The following CRPPA variants were observed in gnomAD, a reference collection of about 807,000 sequenced individuals.
The protein encoded by CRPPA is CDP-L-ribitol pyrophosphorylase A.
In CRPPA, 43 loss-of-function variants were observed where a neutral mutation model predicts 52.0. The ratio of observed to expected loss-of-function variants is 0.83; its 90% CI spans 0.65 to 1.07. The LOEUF (loss-of-function observed/expected upper bound fraction) is 1.07, where lower values mean the gene tolerates loss of function less well. Ranked by LOEUF, CRPPA falls within the 50% of genes least tolerant of loss-of-function variation. The pLI, the probability that CRPPA is intolerant of heterozygous loss-of-function variation, is 0.00. For missense variants in CRPPA, 629 were observed against 551.7 expected, an observed-to-expected ratio of 1.14 and a Z score of -1.40; for synonymous variants, 250 against 203.5, an observed-to-expected ratio of 1.23 and a Z score of -1.94.
chr7:16,230,330 T>A lies in CRPPA; in HGVS notation c.1120-14133A>T, dbSNP rs925754828. ...TCATTCCTTTATTTCTTTCTTCTTC[T>A]ATTTATTTCAAAATAACCTGTCTTC... On this transcript the variant is annotated intron_variant, in intron 8 of 9. Coordinates refer to ENST00000407010, the MANE Select transcript of CRPPA (RefSeq NM_001101426.4). Among the ~76,000 whole-genome samples the A allele has an allele frequency of 9.2e-5, 14 of 152,306 alleles. 2 individuals are homozygous for A. The South Asian group carries it at 2.9e-3, about 32-fold the overall frequency.
intron 3 of CRPPA, among the ~76,000 whole-genome samples, chr7:16,314,267 T>C (rs531538353): frequency 1.3e-5 from 2 of 152,180 alleles, no homozygotes; most frequent in South Asian, 2.1e-4. Flanking sequence ...CTTTAGTAAA[T>C]GTCCTAGATT....
intron 3 of CRPPA, among the ~76,000 whole-genome samples, chr7:16,336,601 A>G (rs552611463): frequency 6.6e-6 from 1 of 151,934 alleles, no homozygotes; most frequent in Non-Finnish European, 1.5e-5. Context: ...AAACAATCAG[A>G]AAACAAAGTT....
At chr7:16,382,375 G>T (rs1396861543) in intron 2 of CRPPA, among the ~76,000 whole-genome samples, 2 of 152,176 alleles carry the variant, frequency 1.3e-5, no homozygotes, top group African/African-American at 2.4e-5. Context: ...TTAGTCTGAT[G>T]GGCTTCCCTT....
intron 2 of CRPPA, among the ~76,000 whole-genome samples, chr7:16,379,759 T>C (rs1350782131): frequency 6.6e-6 from 1 of 152,230 alleles, no homozygotes; most frequent in African/African-American, 2.4e-5. Flanking sequence ...CAATTGTGAA[T>C]GGGAGTTCAC....
intron 9 of CRPPA, among the ~76,000 whole-genome samples, chr7:16,172,403 G>A (rs1781208070): frequency 6.6e-6 from 1 of 152,064 alleles, no homozygotes; most frequent in African/African-American, 2.4e-5. Flanking sequence ...AAGAGCAGAG[G>A]GCCCGTGTGT....
chr7:16,152,363 A>T (rs970656520), intron 9 of CRPPA, among the ~76,000 whole-genome samples: 2 of 151,982 alleles, frequency 1.3e-5, no homozygotes, highest in African/African-American at 4.8e-5. Flanking sequence ...TTTAATAGAA[A>T]AAAACAGTAA....
At chr7:16,127,203 C>A (rs1277241689) in intron 9 of CRPPA, among the ~76,000 whole-genome samples, 6 of 151,982 alleles carry the variant, frequency 3.9e-5, no homozygotes, top group Non-Finnish European at 7.4e-5. Flanking sequence ...CAACAACCAT[C>A]CCTATGAAAA....
At chr7:16,305,723 G>A (rs1213774518) in intron 4 of CRPPA, among the ~76,000 whole-genome samples, 1 of 152,078 alleles carries the variant, frequency 6.6e-6, no homozygotes, top group African/African-American at 2.4e-5. Context: ...AAAATTAGCT[G>A]AGTGTGGTGG....
At chr7:16,228,837 G>A (rs985859731) in intron 8 of CRPPA, among the ~76,000 whole-genome samples, 2 of 151,898 alleles carry the variant, frequency 1.3e-5, no homozygotes, top group Non-Finnish European at 2.9e-5. Flanking sequence ...CATAGTTTAA[G>A]TCCAACATTC....
chr7:16,308,491 A>G, intron 4 of CRPPA, 32 bp downstream of exon 4: 1 of 1,237,010 alleles, frequency 8.1e-7, no homozygotes, highest in Non-Finnish European at 1.2e-6. Context: ...AAAGCACAGA[A>G]AAGAACCCAA....
chr7:16,254,855 A>AGAAAG (rs1562588941), intron 8 of CRPPA, among the ~76,000 whole-genome samples: 66 of 150,424 alleles, frequency 4.4e-4, no homozygotes, highest in Admixed American at 1.1e-3. Flanking sequence ...GAGAAAGAAG[A>AGAAAG]AAGAAAGAAA....
chr7:16,214,791 G>A lies in CRPPA; in HGVS notation c.1251+1275C>T, dbSNP rs374311629. Among the ~76,000 whole-genome samples, 33 of 152,258 alleles carry A rather than the reference G, an allele frequency of 2.2e-4. No homozygotes were observed. The South Asian group carries it at 6.2e-3, about 29-fold the overall frequency. ...CTCCCAAAGTGTTAGGATTACAGGCGTGAGCCACCACAAAGAGAGAATATT... is the reference window on the plus strand; with the variant it reads ...CTCCCAAAGTGTTAGGATTACAGGCATGAGCCACCACAAAGAGAGAATATT... On this transcript the variant is annotated intron_variant, in intron 9 of 9. Transcript: ENST00000407010.
intron 9 of CRPPA, among the ~76,000 whole-genome samples, chr7:16,144,789 G>A (rs1782941816): frequency 6.6e-6 from 1 of 152,168 alleles, no homozygotes; most frequent in African/African-American, 2.4e-5. Context: ...CACTCTCTCA[G>A]CGGCTGCTGG....
chr7:16,357,832 T>G (rs1274679185), intron 3 of CRPPA, among the ~76,000 whole-genome samples: 1 of 152,114 alleles, frequency 6.6e-6, no homozygotes, highest in Non-Finnish European at 1.5e-5. Context: ...CCTCTCCATA[T>G]CTGAGCTGCA....
intron 9 of CRPPA, among the ~76,000 whole-genome samples, chr7:16,180,463 T>A (rs76635530): frequency 0.036 from 5,486 of 152,178 alleles, 321 homozygotes; most frequent in East Asian, 0.3. Context: ...TACACTTTTT[T>A]AATAAGATGC....
chr7:16,193,194 G>A (rs991596777), intron 9 of CRPPA, among the ~76,000 whole-genome samples: 7 of 152,044 alleles, frequency 4.6e-5, no homozygotes, highest in African/African-American at 1.7e-4. Context: ...TTATTTAGGT[G>A]TTATTTAATT....
At chr7:16,249,318 G>A (rs1050566748) in intron 8 of CRPPA, among the ~76,000 whole-genome samples, 4 of 152,176 alleles carry the variant, frequency 2.6e-5, no homozygotes, top group African/African-American at 4.8e-5. Context: ...AAACTTAAAC[G>A]TCCCCGCCTG....
chr7:16,109,234 C>A (rs1782212729), intron 9 of CRPPA, among the ~76,000 whole-genome samples: 1 of 151,704 alleles, frequency 6.6e-6, no homozygotes, highest in Admixed American at 6.6e-5. Flanking sequence ...GGACACATTA[C>A]AACTGATAAC....
intron 3 of CRPPA, among the ~76,000 whole-genome samples, chr7:16,336,898 T>C (rs957003843): frequency 1.3e-5 from 2 of 152,094 alleles, no homozygotes; most frequent in Non-Finnish European, 2.9e-5. Flanking sequence ...AGAAGGTCAT[T>C]CTATATTAAT....
Sources: allele counts gnomAD v4.1 joint callset (sites outside exome capture counted in the v4.1 genomes callset), GRCh38; gene constraint gnomAD v4.1.1; transcripts MANE v1.5; gene names NCBI Gene and HGNC (gene_info 2026-07-23, HGNC 2026-07-21).